Variants in CAPZB observed in about 807,000 individuals in gnomAD.
The protein encoded by CAPZB is capping actin protein of muscle Z-line subunit beta.
Under a neutral mutation model 38.1 loss-of-function variants are expected in CAPZB, and 2 were observed. That is an observed-to-expected ratio of 0.05 (90% CI 0.02 to 0.17). The LOEUF is 0.17. CAPZB is among the 10% of genes least tolerant of loss of function. The pLI is 1.00. For missense variants in CAPZB, 161 were observed against 334.2 expected (o/e 0.48, Z 4.04); for synonymous variants, 107 against 127.4 (o/e 0.84, Z 1.08).
At chr1:19,474,972 G>A (rs1239978716) in intron 1 of CAPZB, among the ~76,000 whole-genome samples, 1 of 152,176 alleles carries the variant, frequency 6.6e-6, no homozygotes, top group Non-Finnish European at 1.5e-5. Context: ...GAACTGACAA[G>A]GACCTGCAGG....
At chr1:19,359,844 G>A (rs1296753114) in intron 4 of CAPZB, among the ~76,000 whole-genome samples, 11 of 152,200 alleles carry the variant, frequency 7.2e-5, no homozygotes, top group Admixed American at 7.2e-4. Context: ...CCAGGAAACC[G>A]GCCAACACTG....
At chr1:19,382,605 T>G (rs1172788686) in intron 3 of CAPZB, among the ~76,000 whole-genome samples, 1 of 152,084 alleles carries the variant, frequency 6.6e-6, no homozygotes, top group Non-Finnish European at 1.5e-5. Flanking sequence ...GGCTCCTCTC[T>G]AAAGGCCTGA....
intron 1 of CAPZB, among the ~76,000 whole-genome samples, chr1:19,436,964 C>A (rs12137192): frequency 6.6e-6 from 1 of 152,050 alleles, no homozygotes; most frequent in African/African-American, 2.4e-5. Context: ...ACCTGTGGAG[C>A]CTGGATGGTT....
chr1:19,472,543 G>C (rs946953079), intron 1 of CAPZB, among the ~76,000 whole-genome samples: 1 of 151,994 alleles, frequency 6.6e-6, no homozygotes, highest in African/African-American at 2.4e-5. Context: ...AGTCTGCCTG[G>C]ATGTGTGCAG....
chr1:19,383,247 A>AC (rs2094185301), intron 3 of CAPZB, among the ~76,000 whole-genome samples: 1 of 152,018 alleles, frequency 6.6e-6, no homozygotes, highest in African/African-American at 2.4e-5. Flanking sequence ...GGAGTTCAAG[A>AC]CCAGCCTGGC....
At chr1:19,366,300 ATATATATATAAAT>A (rs2094086674) in intron 4 of CAPZB, among the ~76,000 whole-genome samples, 3 of 107,442 alleles carry the variant, frequency 2.8e-5, no homozygotes, top group African/African-American at 1.3e-4. Context: ...ATATATATAT[ATATATATATAAAT>A]AAAATAAATG....
intron 1 of CAPZB, among the ~76,000 whole-genome samples, chr1:19,431,086 C>A (rs1376406773): frequency 1.3e-5 from 2 of 152,172 alleles, no homozygotes; most frequent in Non-Finnish European, 2.9e-5. Flanking sequence ...CCTGGACTGA[C>A]CCATAACAAA....
At chr1:19,422,904 G>A (rs2094407171) in intron 1 of CAPZB, among the ~76,000 whole-genome samples, 1 of 152,178 alleles carries the variant, frequency 6.6e-6, no homozygotes, top group Admixed American at 6.5e-5. Context: ...GAACACAGAA[G>A]GGATTAACTA....
chr1:19,403,797 CT>C (rs2094315713), intron 2 of CAPZB, among the ~76,000 whole-genome samples: 1 of 152,188 alleles, frequency 6.6e-6, no homozygotes, highest in African/African-American at 2.4e-5. Flanking sequence ...GTGGATGGCA[CT>C]CTGTAAAAAA....
At chr1:19,443,319 C>A (rs538096999) in intron 1 of CAPZB, among the ~76,000 whole-genome samples, 1 of 152,254 alleles carries the variant, frequency 6.6e-6, no homozygotes, top group South Asian at 2.1e-4. Flanking sequence ...TCACCTGAGC[C>A]TGGGAGGTCA....
At chr1:19,369,378 G>A (rs2094108170) in intron 4 of CAPZB, among the ~76,000 whole-genome samples, 1 of 152,258 alleles carries the variant, frequency 6.6e-6, no homozygotes, top group Non-Finnish European at 1.5e-5. Flanking sequence ...AAGCTGTGAG[G>A]TTTCTCCAGA....
At chr1:19,379,092 T>TTTTC (rs139455748) in intron 3 of CAPZB, among the ~76,000 whole-genome samples, 13,571 of 131,114 alleles carry the variant, frequency 0.1, 1,272 homozygotes, top group African/African-American at 0.29. Context: ...ACCTATTTTT[T>TTTTC]TTTCTTTCTT....
At chr1:19,406,625 A>C (rs1183341573) in intron 2 of CAPZB, among the ~76,000 whole-genome samples, 2 of 152,062 alleles carry the variant, frequency 1.3e-5, no homozygotes, top group African/African-American at 4.8e-5. Flanking sequence ...GTAGATCCCA[A>C]CTCTGCTCCT....
intron 7 of CAPZB, 87 bp from the exon 8 acceptor site, chr1:19,344,521 C>A: frequency 9.7e-7 from 1 of 1,032,434 alleles, no homozygotes. Context: ...CCTGCAGTCC[C>A]CAGTGTGGCC....
At chr1:19,432,056 A>AG (rs140874722) in intron 1 of CAPZB, among the ~76,000 whole-genome samples, 13,221 of 84,148 alleles carry the variant, frequency 0.16, 690 homozygotes, top group Admixed American at 0.24. Flanking sequence ...AAAAAAAAAA[A>AG]AAAAAAAAAG....
intron 4 of CAPZB, among the ~76,000 whole-genome samples, chr1:19,371,329 A>G (rs1442506884): frequency 6.6e-6 from 1 of 152,202 alleles, no homozygotes; most frequent in Non-Finnish European, 1.5e-5. Flanking sequence ...AGATGCAGGT[A>G]CAGAATGTAA....
At chr1:19,421,378 CAGCT>C in intron 1 of CAPZB, among the ~76,000 whole-genome samples, 1 of 152,252 alleles carries the variant, frequency 6.6e-6, no homozygotes, top group South Asian at 2.1e-4. Flanking sequence ...CATATACAGC[CAGCT>C]GTTTTAAAAA....
At chr1:19,342,642 G>T (rs540044239) in intron 8 of CAPZB, 20 of 705,364 alleles carry the variant, frequency 2.8e-5, no homozygotes, top group African/African-American at 1.7e-4. Context: ...ACACGTGGGG[G>T]TTAGTGGTGG....
intron 6 of CAPZB, among the ~76,000 whole-genome samples, chr1:19,355,260 G>A (rs1271038072): frequency 2.6e-5 from 4 of 152,186 alleles, no homozygotes; most frequent in African/African-American, 7.2e-5. Flanking sequence ...TTGGGAGACC[G>A]AGGTGGGCGG....
Sources: gnomAD v4.1 joint callset for allele counts (sites outside exome capture counted in the v4.1 genomes callset) on GRCh38, gnomAD v4.1.1 for gene constraint, MANE v1.5 for transcripts, NCBI Gene and HGNC (gene_info 2026-07-23, HGNC 2026-07-21) for gene names.